Variants in APPBP2 observed in about 807,000 individuals in gnomAD.
APPBP2 encodes the protein amyloid protein-binding protein 2.
A neutral mutation model predicts 76.0 loss-of-function variants in APPBP2; 15 were observed. That is an observed-to-expected ratio of 0.20 (90% CI 0.13 to 0.30). APPBP2 has a LOEUF of 0.30. APPBP2 is among the 10% of genes least tolerant of loss of function. The pLI, the probability that APPBP2 is intolerant of heterozygous loss-of-function variation, is 1.00. For synonymous variants in APPBP2, 222 were observed against 242.2 expected, an observed-to-expected ratio of 0.92 and a Z score of 0.77; for missense variants, 401 against 687.2, an observed-to-expected ratio of 0.58 and a Z score of 4.66.
intron 4 of APPBP2, among the ~76,000 whole-genome samples, chr17:60,473,707 A>G (rs776037645): frequency 2.6e-5 from 4 of 152,220 alleles, no homozygotes; most frequent in Non-Finnish European, 4.4e-5. Context: ...ATACCAATAT[A>G]TTTAAAATCT....
intron 3 of APPBP2, among the ~76,000 whole-genome samples, chr17:60,491,907 G>A (rs987822821): frequency 2.6e-5 from 4 of 152,208 alleles, no homozygotes; most frequent in Non-Finnish European, 4.4e-5. Context: ...CAAGACAATG[G>A]AGAAAATGTC....
At chr17:60,455,610 C>T (rs539511485) in intron 10 of APPBP2, among the ~76,000 whole-genome samples, 2 of 152,128 alleles carry the variant, frequency 1.3e-5, no homozygotes, top group African/African-American at 2.4e-5. Flanking sequence ...TAACCTGATA[C>T]GAAGCTCAGG....
intron 4 of APPBP2, among the ~76,000 whole-genome samples, chr17:60,471,389 T>A (rs2090551519): frequency 6.6e-6 from 1 of 152,208 alleles, no homozygotes; most frequent in African/African-American, 2.4e-5. Context: ...TATGTCTTGT[T>A]CCTGATCCTA....
At chr17:60,525,638 C>T (rs959579909) in intron 1 of APPBP2, among the ~76,000 whole-genome samples, 156 bp downstream of exon 1, 1 of 152,180 alleles carries the variant, frequency 6.6e-6, no homozygotes, top group Non-Finnish European at 1.5e-5. Context: ...AGATGGGGTG[C>T]TTCTCCACTG....
chr17:60,488,120 G>A (rs1274062922), intron 3 of APPBP2, among the ~76,000 whole-genome samples: 1 of 152,170 alleles, frequency 6.6e-6, no homozygotes, highest in Non-Finnish European at 1.5e-5. Flanking sequence ...GGCTGTATGA[G>A]GTGTCAGTCA....
intron 3 of APPBP2, among the ~76,000 whole-genome samples, chr17:60,480,784 T>C (rs1446238257): frequency 6.6e-6 from 1 of 152,146 alleles, no homozygotes; most frequent in Non-Finnish European, 1.5e-5. Context: ...GCAAACCACA[T>C]TTCTCCTTTG....
At chr17:60,498,044 C>T (rs56930148) in intron 2 of APPBP2, among the ~76,000 whole-genome samples, 1,900 of 151,888 alleles carry the variant, frequency 0.013, 9 homozygotes, top group Admixed American at 0.014. Context: ...GGAGTATCAC[C>T]TGAGCCCTGG....
chr17:60,487,380 C>T (rs1315135904), intron 3 of APPBP2, among the ~76,000 whole-genome samples: 3 of 152,128 alleles, frequency 2.0e-5, no homozygotes, highest in South Asian at 4.1e-4. Context: ...TTCTTGGAGG[C>T]TTTGTTTGTT....
chr17:60,484,864 C>T (rs1186396480), intron 3 of APPBP2, among the ~76,000 whole-genome samples: 2 of 148,620 alleles, frequency 1.3e-5, no homozygotes, highest in Non-Finnish European at 2.9e-5. Flanking sequence ...GGCTGTGGGT[C>T]TGTCTTAAAC....
At chr17:60,513,151 G>A (rs1007712632) in intron 1 of APPBP2, 2 of 308,914 alleles carry the variant, frequency 6.5e-6, no homozygotes, top group African/African-American at 4.4e-5. Context: ...AAGAATTTCA[G>A]TATTTGCTAC....
intron 1 of APPBP2, among the ~76,000 whole-genome samples, chr17:60,512,958 CTTT>C (rs58923452): frequency 0.075 from 9,495 of 127,084 alleles, 860 homozygotes; most frequent in African/African-American, 0.27. Flanking sequence ...TTTTCTTTTC[CTTT>C]TTTTTTTTTT....
At chr17:60,492,579 A>C (rs2090738798) in intron 3 of APPBP2, among the ~76,000 whole-genome samples, 1 of 152,170 alleles carries the variant, frequency 6.6e-6, no homozygotes, top group African/African-American at 2.4e-5. Flanking sequence ...GTCAGAAAAG[A>C]TCATTTTGGA....
At chr17:60,513,633 G>A (rs974251955) in intron 1 of APPBP2, 4 of 244,062 alleles carry the variant, frequency 1.6e-5, no homozygotes, top group East Asian at 1.1e-4. Context: ...AGGCCAAAGC[G>A]GGAGGATCAC....
intron 3 of APPBP2, among the ~76,000 whole-genome samples, chr17:60,493,413 A>G (rs17393027): frequency 0.078 from 11,937 of 152,244 alleles, 1,579 homozygotes; most frequent in African/African-American, 0.27. Flanking sequence ...AAACCATATA[A>G]AATTGTATAC....
At chr17:60,511,652 T>C (rs1046600282) in intron 1 of APPBP2, among the ~76,000 whole-genome samples, 2 of 151,944 alleles carry the variant, frequency 1.3e-5, no homozygotes, top group African/African-American at 4.8e-5. Flanking sequence ...TTCTGTATTC[T>C]AGATAACCAA....
chr17:60,463,952 G>C, intron 6 of APPBP2, 69 bp downstream of exon 6: 1 of 1,108,372 alleles, frequency 9.0e-7, no homozygotes, highest in Non-Finnish European at 1.3e-6. Flanking sequence ...TAAATAACAG[G>C]TTAATTAAAA....
chr17:60,502,570 C>G lies in APPBP2; in HGVS notation c.139-2083G>C, dbSNP rs2143458603. On this transcript the variant is annotated intron_variant, in intron 1 of 12. Coordinates refer to ENST00000083182, the MANE Select transcript of APPBP2 (RefSeq NM_006380.5). ...AATTTCTTTTTAAAAAAAGAATAAA[C>G]AGGCTGGGCATGGTGGCTCACGCCT... Among the ~76,000 whole-genome samples the G allele has an allele frequency of 2.3e-5, 3 of 131,226 alleles. No homozygotes were observed. The South Asian group carries it at 6.2e-4, about 27-fold the overall frequency. 86.1% of individuals were successfully genotyped at this position (131,226 alleles called of 152,430 possible). A position where few individuals can be genotyped will look rare whatever the true frequency, so the allele number is the denominator to read the frequency against.
intron 2 of APPBP2, among the ~76,000 whole-genome samples, chr17:60,495,921 G>A (rs2090772372): frequency 6.6e-6 from 1 of 152,152 alleles, no homozygotes; most frequent in African/African-American, 2.4e-5. Flanking sequence ...GCAAAATGCA[G>A]TATTATCCTT....
At chr17:60,487,741 G>A (rs1016129400) in intron 3 of APPBP2, among the ~76,000 whole-genome samples, 2 of 152,156 alleles carry the variant, frequency 1.3e-5, no homozygotes, top group African/African-American at 4.8e-5. Context: ...TCCATTGCTG[G>A]CGAGGAGCTG....
Sources: gnomAD v4.1 joint callset for allele counts (sites outside exome capture counted in the v4.1 genomes callset) on GRCh38, gnomAD v4.1.1 for gene constraint, MANE v1.5 for transcripts, NCBI Gene and HGNC (gene_info 2026-07-23, HGNC 2026-07-21) for gene names.